FMN1: variants seen among roughly 807,000 people sequenced by gnomAD.
The protein encoded by FMN1 is formin-1.
Under a neutral mutation model 132.4 loss-of-function variants are expected in FMN1, and 110 were observed. That is an observed-to-expected ratio of 0.83 (90% CI 0.71 to 0.97). The LOEUF (loss-of-function observed/expected upper bound fraction) is 0.97. Ranked by LOEUF, FMN1 falls within the 50% of genes least tolerant of loss-of-function variation. The pLI is 0.00. For synonymous variants in FMN1, 722 were observed against 651.7 expected, an observed-to-expected ratio of 1.11 and a Z score of -1.64; for missense variants, 1,792 against 1,705.3, an observed-to-expected ratio of 1.05 and a Z score of -0.90.
intron 7 of FMN1, among the ~76,000 whole-genome samples, chr15:32,976,764 C>T (rs78860610): frequency 0.018 from 2,733 of 152,170 alleles, 79 homozygotes; most frequent in African/African-American, 0.059. Context: ...AAGCTGACTC[C>T]GAGTAAAACC....
At chr15:32,977,577 A>G (rs1157462927) in intron 7 of FMN1, among the ~76,000 whole-genome samples, 2 of 152,168 alleles carry the variant, frequency 1.3e-5, no homozygotes, top group Non-Finnish European at 2.9e-5. Flanking sequence ...CTCATTTTAT[A>G]TATGTCTGAA....
intron 7 of FMN1, among the ~76,000 whole-genome samples, chr15:32,991,122 C>G (rs1350441454): frequency 6.6e-6 from 1 of 152,112 alleles, no homozygotes; most frequent in South Asian, 2.1e-4. Context: ...AAGGCCAAAC[C>G]TAACAACCAA....
chr15:32,965,986 CGGGGGAGAA>C (rs2140626000), intron 8 of FMN1, among the ~76,000 whole-genome samples: 1 of 151,982 alleles, frequency 6.6e-6, no homozygotes, highest in South Asian at 2.1e-4. Flanking sequence ...CTGGGGGAGA[CGGGGGAGAA>C]GTAGGATCTT....
intron 7 of FMN1, among the ~76,000 whole-genome samples, chr15:32,979,903 G>A (rs374772963): frequency 1.3e-5 from 2 of 152,148 alleles, no homozygotes; most frequent in African/African-American, 4.8e-5. Flanking sequence ...GAGGTATTTG[G>A]CTTTCCACTT....
In FMN1 at chr15:33,154,835, C is replaced by A; in HGVS notation, c.80G>T (p.Gly27Val). Residue 27 changes from glycine to valine, a missense_variant, in exon 4 of 21, where the codon GGG (glycine) becomes GTG (valine). Around this residue, in one of 3 missense-constraint regions of FMN1, gnomAD observed 638 missense variants for 645.2 expected, o/e 0.99. Coordinates refer to ENST00000616417, the MANE Select transcript of FMN1 (RefSeq NM_001277313.2). The stretch of plus-strand genomic sequence containing the variant: ...CTTGTATGAAAATCCTCTGACTTCC[C>A]CCTTTGGAAGACAGAAGCTGATGTA... ...LCYISFCLPK[G>V]EVRGFSYKGT... 1 of 1,536,102 alleles carries A rather than the reference C, an allele frequency of 6.5e-7. No individual in the cohort carries two copies. The highest frequency in any genetic ancestry group is 8.7e-7 in the Non-Finnish European group (1 of 1,146,892).
intron 5 of FMN1, among the ~76,000 whole-genome samples, chr15:33,083,146 C>T (rs2038552262): frequency 6.6e-6 from 1 of 152,208 alleles, no homozygotes; most frequent in African/African-American, 2.4e-5. Flanking sequence ...TATATTTCGT[C>T]TTCATCTGGG....
chr15:32,785,218 A>ATATATATT (rs1444523400), intron 19 of FMN1, among the ~76,000 whole-genome samples: 11 of 39,204 alleles, frequency 2.8e-4, no homozygotes, highest in African/African-American at 1.1e-3. Flanking sequence ...ATATATATAT[A>ATATATATT]TTTTTTTTTT....
At chr15:32,920,714 G>A (rs1044749065) in intron 10 of FMN1, among the ~76,000 whole-genome samples, 10 of 152,216 alleles carry the variant, frequency 6.6e-5, no homozygotes, top group Admixed American at 6.5e-4. Context: ...TTCTGGCTTG[G>A]GGCACCATTA....
At chr15:33,085,073 T>G (rs1595438028) in intron 5 of FMN1, among the ~76,000 whole-genome samples, 1 of 152,242 alleles carries the variant, frequency 6.6e-6, no homozygotes, top group Non-Finnish European at 1.5e-5. Flanking sequence ...TGTGAGCTGC[T>G]AGTCATTAAC....
intron 5 of FMN1, among the ~76,000 whole-genome samples, chr15:33,085,212 A>G (rs1464525067): frequency 6.6e-6 from 1 of 152,196 alleles, no homozygotes; most frequent in Non-Finnish European, 1.5e-5. Context: ...TCACCCAAGC[A>G]GTATACACTG....
At chr15:32,825,230 TC>T (rs1274440035) in intron 17 of FMN1, among the ~76,000 whole-genome samples, 1 of 152,232 alleles carries the variant, frequency 6.6e-6, no homozygotes, top group Non-Finnish European at 1.5e-5. Flanking sequence ...ACCAGAATAA[TC>T]TTTTAAAACA....
intron 14 of FMN1, among the ~76,000 whole-genome samples, chr15:32,899,105 AAAAC>A (rs1301800817): frequency 2.6e-5 from 4 of 152,048 alleles, no homozygotes; most frequent in Admixed American, 1.3e-4. Flanking sequence ...TTTGTGGGGA[AAAAC>A]AAACAGATAA....
At chr15:32,996,201 T>A (rs1177528355) in intron 7 of FMN1, among the ~76,000 whole-genome samples, 1 of 152,146 alleles carries the variant, frequency 6.6e-6, no homozygotes, top group East Asian at 1.9e-4. Context: ...TCACACCCAC[T>A]TTAAAGGTGA....
chr15:33,093,452 G>C (rs922131662), intron 4 of FMN1, among the ~76,000 whole-genome samples: 1 of 152,224 alleles, frequency 6.6e-6, no homozygotes, highest in Non-Finnish European at 1.5e-5. Context: ...ATGTGTGGCT[G>C]TGTGTGTAAT....
chr15:33,017,823 G>C (rs2035150001), intron 6 of FMN1, among the ~76,000 whole-genome samples: 4 of 152,214 alleles, frequency 2.6e-5, no homozygotes, highest in Admixed American at 2.6e-4. Flanking sequence ...CCAGCACTTT[G>C]GGAGACTGAG....
chr15:32,914,524 G>A (rs939722110), intron 10 of FMN1, among the ~76,000 whole-genome samples: 6 of 152,190 alleles, frequency 3.9e-5, no homozygotes, highest in Non-Finnish European at 7.3e-5. Flanking sequence ...TGAATGCCAC[G>A]ATGAACCTGT....
At chr15:32,844,362 G>A (rs550204407) in intron 17 of FMN1, among the ~76,000 whole-genome samples, 108 of 152,284 alleles carry the variant, frequency 7.1e-4, no homozygotes, top group Non-Finnish European at 1.3e-3. Flanking sequence ...TGGTAGCCAT[G>A]AAGTGTGATC....
At chr15:33,054,684 T>C (rs1001359018) in intron 6 of FMN1, among the ~76,000 whole-genome samples, 4 of 151,892 alleles carry the variant, frequency 2.6e-5, no homozygotes, top group Non-Finnish European at 5.9e-5. Context: ...CAAAAAGGAG[T>C]TGAAGAAATG....
chr15:33,110,427 CAGT>C (rs2039657020), intron 4 of FMN1, among the ~76,000 whole-genome samples: 2 of 151,950 alleles, frequency 1.3e-5, no homozygotes, highest in South Asian at 4.1e-4. Context: ...TAAATTTTAG[CAGT>C]AATTTTTCTA....
Sources: gnomAD v4.1 joint callset for allele counts (sites outside exome capture counted in the v4.1 genomes callset) on GRCh38, gnomAD v4.1.1 for gene constraint, gnomAD v4.1.1 regional missense constraint, MANE v1.5 for transcripts, NCBI Gene and HGNC (gene_info 2026-07-23, HGNC 2026-07-21) for gene names.